SLC22A11: variants seen among roughly 807,000 people sequenced by gnomAD.
SLC22A11 encodes organic anion transporter 4.
In SLC22A11, 42 loss-of-function variants were observed where a neutral mutation model predicts 49.4. The observed-to-expected ratio is 0.85, with a 90% CI of 0.66 to 1.10. The LOEUF (loss-of-function observed/expected upper bound fraction) is 1.10, where lower values mean the gene tolerates loss of function less well. Ranked by LOEUF, SLC22A11 falls within the 50% of genes least tolerant of loss-of-function variation. The probability of loss-of-function intolerance (pLI) is 0.00; values close to 1 mark genes in which losing one functional copy is unlikely to be tolerated. For missense variants in SLC22A11, 685 were observed against 731.6 expected, an observed-to-expected ratio of 0.94 and a Z score of 0.74; for synonymous variants, 304 against 315.8, an observed-to-expected ratio of 0.96 and a Z score of 0.40.
At position 64,565,297 on chromosome 11, in the gene SLC22A11, C is replaced by G. The variant is rs372929612; in HGVS notation, c.1018C>G (p.Pro340Ala). 100 of 1,550,858 alleles carry G rather than the reference C, an allele frequency of 6.4e-5. No individual in the cohort carries two copies. Among genetic ancestry groups the G allele is most frequent in the Non-Finnish European group, 8.5e-5 (97 of 1,147,560 alleles). ...PRSVLDLFCV[P>A]VLRWRSCAML... ...GTCGGTGCTGGACCTGTTCTGCGTG[C>G]CCGTGCTCCGCTGGAGGAGCTGCGC... is the stretch of plus-strand genomic sequence containing the variant. Residue 340 changes from proline to alanine, a missense_variant, in exon 6 of 10, where the codon CCC becomes GCC. Pro to Ala is a conservative substitution (Grantham distance 27). Transcript: ENST00000301891. This position sits in a 1 kb window ranked among gnomAD's most constrained non-coding sequence, Gnocchi z 4.1.
chr11:64,567,643 AGAGCCT>A lies in SLC22A11; in HGVS notation c.1105_1110del (p.Ser369_Leu370del). 2 of 1,614,152 alleles carry A rather than the reference AGAGCCT, an allele frequency of 1.2e-6. No homozygotes were observed. The highest frequency in any genetic ancestry group is 1.7e-6 in the Non-Finnish European group (2 of 1,180,030). On this transcript the variant is annotated inframe_deletion, in exon 7 of 10. Coordinates refer to ENST00000301891, the MANE Select transcript of SLC22A11 (RefSeq NM_018484.4). ...TACTATGGGCTGGTCTTCGACCTGC[AGAGCCT>A]GGGCCGTGACATCTTCCTCCTCCAG...
In SLC22A11 at chr11:64,567,823, G is replaced by A. The variant is rs1035297386; in HGVS notation, c.1273+10G>A. ...ATGCTGGTGCCGCAAGGTGAGGCAGGCGGACTGGGCGGTGGGACCGGGCCC... is the reference window on the plus strand; with the variant it reads ...ATGCTGGTGCCGCAAGGTGAGGCAGACGGACTGGGCGGTGGGACCGGGCCC... On this transcript the variant is annotated intron_variant, in intron 7 of 9. Transcript: ENST00000301891. 8.9e-6 allele frequency: 14 copies of A among 1,564,582 alleles called. No homozygotes were observed. The highest frequency in any genetic ancestry group is 2.4e-5 in the East Asian group (1 of 42,340).
rs1426443878 is a variant in SLC22A11 at position 64,562,844 on chromosome 11, C to T, written c.821+409C>T. Among the ~76,000 whole-genome samples, 6 of 152,210 alleles carry T rather than the reference C, an allele frequency of 3.9e-5. No individual in the cohort carries two copies. Among genetic ancestry groups the T allele is most frequent in the African/African-American group, 7.2e-5 (3 of 41,438 alleles). Reference sequence around the variant, plus strand: ...GCCACAGTGGAAGCGGCCGCTCTCCCGGTCCCCAAGGCCCCACTGCCGCTG... The same window carrying T: ...GCCACAGTGGAAGCGGCCGCTCTCCTGGTCCCCAAGGCCCCACTGCCGCTG... On this transcript the variant is annotated intron_variant, in intron 4 of 9. Transcript: ENST00000301891. The surrounding 1 kb of genome is among the most constrained non-coding windows in gnomAD (Gnocchi z 4.4).
chr11:64,564,076 G>T lies in SLC22A11; in HGVS notation c.822-232G>T, dbSNP rs1309238503. ...GTGGGCAGGCCCCGGGCAGCCAGGC[G>T]AGCCAGATGGAGGTGGCTCGCTTGG... is the stretch of plus-strand genomic sequence containing the variant. On this transcript the variant is annotated intron_variant, in intron 4 of 9. Transcript: ENST00000301891. This position sits in a 1 kb window ranked among gnomAD's most constrained non-coding sequence, Gnocchi z 4.2. Among the ~76,000 whole-genome samples, 1 of 152,180 alleles carries T rather than the reference G, an allele frequency of 6.6e-6. No individual in the cohort carries two copies. Among genetic ancestry groups the T allele is most frequent in the Non-Finnish European group, 1.5e-5 (1 of 68,010 alleles).
intron 2 of SLC22A11, among the ~76,000 whole-genome samples, chr11:64,560,023 C>T (rs905889889): frequency 4.6e-5 from 7 of 151,170 alleles, no homozygotes; most frequent in Admixed American, 4.6e-4. Flanking sequence ...CCCCCTCCTG[C>T]CTCTCTTCCT....
chr11:64,564,274 G>C lies in SLC22A11; in HGVS notation c.822-34G>C. 6.2e-7 allele frequency: 1 copy of C among 1,612,928 alleles called. No individual in the cohort carries two copies. The highest frequency in any genetic ancestry group is 8.5e-7 in the Non-Finnish European group (1 of 1,179,450). The stretch of plus-strand genomic sequence containing the variant: ...ACCCCGCCCCGGGGGAGAGCCCAGC[G>C]TGCACTCCCAGCTACACACCTGCCT... On this transcript the variant is annotated intron_variant, in intron 4 of 9. Coordinates refer to ENST00000301891, the MANE Select transcript of SLC22A11 (RefSeq NM_018484.4). The surrounding 1 kb of genome is among the most constrained non-coding windows in gnomAD (Gnocchi z 4.2).
chr11:64,565,733 A>G lies in SLC22A11; in HGVS notation c.1058+396A>G. The G allele has an allele frequency of 2.8e-6, 1 of 359,700 alleles. No individual in the cohort carries two copies. 22.3% of individuals were successfully genotyped at this position (359,700 alleles called of 1,614,324 possible). A position where few individuals can be genotyped will look rare whatever the true frequency, so the allele number is the denominator to read the frequency against. On this transcript the variant is annotated intron_variant, in intron 6 of 9. Transcript: ENST00000301891. This position sits in a 1 kb window ranked among gnomAD's most constrained non-coding sequence, Gnocchi z 4.1. The stretch of plus-strand genomic sequence containing the variant: ...TCCTAGAGACCATGGCCATGCTCCT[A>G]GAGGGTGAACCTGCATTCGCTGACC...
In SLC22A11 at chr11:64,562,453, C is replaced by T. The variant is rs745570824; in HGVS notation, c.821+18C>T. On this transcript the variant is annotated intron_variant, in intron 4 of 9. Coordinates refer to ENST00000301891, the MANE Select transcript of SLC22A11 (RefSeq NM_018484.4). This position sits in a 1 kb window ranked among gnomAD's most constrained non-coding sequence, Gnocchi z 4.4. ...ATATCCTGGTCAGTATGATGTGGGA[C>T]CTTTTCCTTAGGAGACCCAGGGTGG... 6.5e-7 allele frequency: 1 copy of T among 1,529,940 alleles called. No homozygotes were observed. The highest frequency in any genetic ancestry group is 8.8e-7 in the Non-Finnish European group (1 of 1,139,106). 94.8% of individuals were successfully genotyped at this position (1,529,940 alleles called of 1,614,324 possible). A position where few individuals can be genotyped will look rare whatever the true frequency, so the allele number is the denominator to read the frequency against.
intron 6 of SLC22A11, chr11:64,566,350 A>G (rs1237307701): frequency 6.6e-6 from 1 of 152,090 alleles, no homozygotes; most frequent in African/African-American, 2.4e-5. Flanking sequence ...TTAACCACAT[A>G]TGGGTTATGA....
At chr11:64,556,983 C>A (rs1327068556) in intron 1 of SLC22A11, among the ~76,000 whole-genome samples, 1 of 152,238 alleles carries the variant, frequency 6.6e-6, no homozygotes, top group Admixed American at 6.5e-5. Flanking sequence ...ACGCCCATTT[C>A]CTGATCGGTG....
rs1371250459 is a variant in SLC22A11, at chr11:64,571,660, C to A, written c.*618C>A. 1 of 152,494 alleles carries A rather than the reference C, an allele frequency of 6.6e-6. No individual in the cohort carries two copies. Among genetic ancestry groups the A allele is most frequent in the African/African-American group, 2.4e-5 (1 of 41,472 alleles). 9.4% of individuals were successfully genotyped at this position (152,494 alleles called of 1,614,324 possible). ...GCTGTGTCCTCTCCAAAAAAAGGAG[C>A]TGTTTTAATCACTTTTCATTTACTC... On this transcript the variant is annotated 3_prime_UTR_variant, in exon 10 of 10. Coordinates refer to ENST00000301891, the MANE Select transcript of SLC22A11 (RefSeq NM_018484.4).
chr11:64,567,725 G>T lies in SLC22A11; in HGVS notation c.1185G>T (p.Leu395Phe). The T allele has an allele frequency of 6.2e-7, 1 of 1,613,668 alleles. No homozygotes were observed. The highest frequency in any genetic ancestry group is 8.5e-7 in the Non-Finnish European group (1 of 1,180,000). ...TGGGCCGGGCCACCACTGCCCTCTT[G>T]CTCAGTTTCCTTGGCCGCCGCACCA... ...DFLGRATTAL[L>F]LSFLGRRTIQ... Residue 395 changes from leucine (L) to phenylalanine (F), a missense_variant, in exon 7 of 10, where the codon TTG (leucine) becomes TTT (phenylalanine). By Grantham distance (22) the Leu-to-Phe change is conservative. Transcript: ENST00000301891.
In SLC22A11 at chr11:64,564,276, G is replaced by C; in HGVS notation, c.822-32G>C. 6.2e-7 allele frequency: 1 copy of C among 1,613,170 alleles called. No homozygotes were observed. The highest frequency in any genetic ancestry group is 1.1e-5 in the South Asian group (1 of 90,998). On this transcript the variant is annotated intron_variant, in intron 4 of 9. Transcript: ENST00000301891. This position sits in a 1 kb window ranked among gnomAD's most constrained non-coding sequence, Gnocchi z 4.2. ...CCCGCCCCGGGGGAGAGCCCAGCGT[G>C]CACTCCCAGCTACACACCTGCCTCC...
chr11:64,558,230 C>T (rs1464762531), intron 1 of SLC22A11, among the ~76,000 whole-genome samples: 3 of 152,186 alleles, frequency 2.0e-5, no homozygotes, highest in Non-Finnish European at 2.9e-5. Flanking sequence ...CCACTGTGCC[C>T]GGGATTTTCT....
At chr11:64,559,861 C>T (rs981520562) in intron 2 of SLC22A11, among the ~76,000 whole-genome samples, 7 of 152,206 alleles carry the variant, frequency 4.6e-5, no homozygotes, top group Non-Finnish European at 1.0e-4. Context: ...GGACTGGAAA[C>T]GTCTCGTACC....
chr11:64,569,656 A>C lies in SLC22A11; in HGVS notation c.1387A>C (p.Thr463Pro). 2 of 1,613,388 alleles carry C rather than the reference A, an allele frequency of 1.2e-6. No homozygotes were observed. Among genetic ancestry groups the C allele is most frequent in the Non-Finnish European group, 1.7e-6 (2 of 1,179,600 alleles). The change falls in exon 9 of 10, where the codon ACA (threonine) becomes CCA (proline). Residue 463 changes from threonine (T) to proline (P), a missense_variant. By Grantham distance (38) the Thr-to-Pro change is conservative. Transcript: ENST00000301891. ...AELFPTPVRMTADGILHTVGR... is the reference protein window; with the variant it reads ...AELFPTPVRMPADGILHTVGR... The stretch of plus-strand genomic sequence containing the variant: ...GGCCCTCCCCTTCACCCACAGGATG[A>C]CAGCAGATGGCATTCTGCATACAGT...
chr11:64,567,503 A>G (rs2038641250), intron 6 of SLC22A11, 96 bp from the exon 7 acceptor site: 1 of 1,197,352 alleles, frequency 8.4e-7, no homozygotes, highest in Non-Finnish European at 1.2e-6. Context: ...GGGGTTGGCC[A>G]TGTCCTCCCA....
intron 8 of SLC22A11, 44 bp downstream of exon 8, chr11:64,568,822 C>T (rs2038664935): frequency 3.2e-6 from 5 of 1,546,482 alleles, no homozygotes; most frequent in Non-Finnish European, 4.5e-6. Flanking sequence ...GCAGGGCCGT[C>T]CTGAGAGGGC....
Position 64,559,123 on chromosome 11 carries a change from C to A in SLC22A11, c.394-12C>A. ...ACCCCCCGAGCTGAGCCACTGCACC[C>A]TCCTCTTGCAGTGGGACCTGGTGTG... On this transcript the variant is annotated splice_polypyrimidine_tract_variant and intron_variant, in intron 1 of 9. Coordinates refer to ENST00000301891, the MANE Select transcript of SLC22A11 (RefSeq NM_018484.4). 4 of 1,609,686 alleles carry A rather than the reference C, an allele frequency of 2.5e-6. No homozygotes were observed. The highest frequency in any genetic ancestry group is 3.4e-6 in the Non-Finnish European group (4 of 1,176,202).
Sources: gnomAD v4.1 joint callset for allele counts (sites outside exome capture counted in the v4.1 genomes callset) on GRCh38, gnomAD v4.1.1 for gene constraint, Gnocchi (gnomAD v3.1) non-coding constraint, MANE v1.5 for transcripts, NCBI Gene and HGNC (gene_info 2026-07-23, HGNC 2026-07-21) for gene names.